COL4A5: variants seen among roughly 807,000 people sequenced by gnomAD.
The protein encoded by COL4A5 is collagen alpha-5(IV) chain.
Under a neutral mutation model 130.2 loss-of-function variants are expected in COL4A5, and 26 were observed. The observed-to-expected ratio is 0.20, with a 90% CI of 0.15 to 0.28. The LOEUF is 0.28. Ranked by LOEUF, COL4A5 falls within the 10% of genes least tolerant of loss-of-function variation. The pLI, the probability that COL4A5 is intolerant of heterozygous loss-of-function variation, is 1.00. For synonymous variants in COL4A5, 496 were observed against 439.6 expected, an observed-to-expected ratio of 1.13 and a Z score of -1.60; for missense variants, 1,131 against 1,344.3, an observed-to-expected ratio of 0.84 and a Z score of 2.48.
intron 1 of COL4A5, among the ~76,000 whole-genome samples, chrX:108,511,083 T>A (rs2065175603): frequency 9.0e-6 from 1 of 111,591 alleles, no homozygotes; most frequent in Admixed American, 9.5e-5. Flanking sequence ...TGTATACTTT[T>A]CACCCAGATT....
chrX:108,514,280 T>C (rs1486228136), intron 1 of COL4A5, among the ~76,000 whole-genome samples: 1 of 112,593 alleles, frequency 8.9e-6, no homozygotes, highest in Non-Finnish European at 1.9e-5. Flanking sequence ...TGGAGCATTT[T>C]CAGCTTGTTT....
Position 108,672,991 on chromosome X carries a change from G to T in COL4A5, c.3800-1754G>T, listed in dbSNP as rs146718505. On this transcript the variant is annotated intron_variant, in intron 42 of 52. Transcript: ENST00000328300. Reference sequence around the variant, plus strand: ...AATATTTAGCTTTCTGAATTTCAAAGTATCAAATGCTTTGAAAGTTTTATT... The same window carrying T: ...AATATTTAGCTTTCTGAATTTCAAATTATCAAATGCTTTGAAAGTTTTATT... Among the ~76,000 whole-genome samples, 157 of 112,165 alleles carry T rather than the reference G, an allele frequency of 1.4e-3. 3 individuals are homozygous for T. In the East Asian group the frequency reaches 0.042, roughly 30 times the overall value.
intron 36 of COL4A5, among the ~76,000 whole-genome samples, chrX:108,647,564 AC>A (rs1334882831): frequency 1.5e-4 from 17 of 110,759 alleles, no homozygotes; most frequent in African/African-American, 5.6e-4. Flanking sequence ...CTAATTGAAT[AC>A]CCTTTATTTT....
intron 36 of COL4A5, among the ~76,000 whole-genome samples, chrX:108,637,093 C>T (rs1223841216): frequency 2.8e-5 from 3 of 109,065 alleles, no homozygotes; most frequent in Non-Finnish European, 5.7e-5. Flanking sequence ...CAGATACGCA[C>T]CACCATGCTT....
chrX:108,609,969 TAA>T (rs78482851), intron 29 of COL4A5, among the ~76,000 whole-genome samples: 1 of 98,724 alleles, frequency 1.0e-5, no homozygotes. Flanking sequence ...ACTTTATTCT[TAA>T]AAAAAAAAAA....
chrX:108,521,194 T>C (rs2065261726), intron 1 of COL4A5, among the ~76,000 whole-genome samples: 1 of 111,581 alleles, frequency 9.0e-6, no homozygotes, highest in Admixed American at 9.5e-5. Context: ...ATTTCCCTAA[T>C]GGTCCTAAAA....
chrX:108,496,837 A>G (rs1230817360), intron 1 of COL4A5, among the ~76,000 whole-genome samples: 1 of 111,920 alleles, frequency 8.9e-6, no homozygotes, highest in Non-Finnish European at 1.9e-5. Context: ...TATCACTATT[A>G]CAACTTTGTT....
chrX:108,602,219 A>G (rs761126022), intron 27 of COL4A5, among the ~76,000 whole-genome samples: 1 of 112,526 alleles, frequency 8.9e-6, no homozygotes, highest in Non-Finnish European at 1.9e-5. Flanking sequence ...GTGATATATA[A>G]GCTTAAAAAT....
chrX:108,474,254 T>A (rs1162231581), intron 1 of COL4A5, among the ~76,000 whole-genome samples: 2 of 111,900 alleles, frequency 1.8e-5, no homozygotes, highest in African/African-American at 6.5e-5. Context: ...GTACCATTTT[T>A]AATCTTTTAT....
chrX:108,529,888 T>C (rs1289363461), intron 1 of COL4A5, among the ~76,000 whole-genome samples: 2 of 110,895 alleles, frequency 1.8e-5, no homozygotes, highest in African/African-American at 6.6e-5. Flanking sequence ...ATGCACCCCA[T>C]ACTGTAGCTT....
Position 108,566,238 on chromosome X carries a change from CT to C in COL4A5, c.276+2325del, listed in dbSNP as rs78147157. ...GTGGTCATCAAGGAAAATTCTTCAA[CT>C]TTTTTTTTTTTTCATTATATGCACA... On this transcript the variant is annotated intron_variant, in intron 4 of 52. Transcript: ENST00000328300. Among the ~76,000 whole-genome samples, 156 of 102,487 alleles carry C rather than the reference CT, an allele frequency of 1.5e-3. 2 individuals carry two copies. The highest frequency in any genetic ancestry group is 1.6e-3 in the Non-Finnish European group (78 of 49,785). 89.0% of individuals were successfully genotyped at this position (102,487 alleles called of 115,157 possible). A position where few individuals can be genotyped will look rare whatever the true frequency, so the allele number is the denominator to read the frequency against.
Position 108,575,952 on chromosome X carries a change from C to T in COL4A5, c.589C>T (p.Pro197Ser), listed in dbSNP as rs779213319. ...PTGIPGPIGP[P>S]GPPGLMGPPG... Reference sequence around the variant, plus strand: ...TGGTATACCAGGGCCAATTGGTCCCCCAGGACCACCAGGTTTGATGGTAAG... The same window carrying T: ...TGGTATACCAGGGCCAATTGGTCCCTCAGGACCACCAGGTTTGATGGTAAG... The change falls in exon 10 of 53, where the codon CCA (proline) becomes TCA (serine). Residue 197 changes from proline to serine, a missense_variant. Pro to Ser is a moderately conservative substitution (Grantham distance 74, BLOSUM62 -1). Transcript: ENST00000328300. 1.5e-5 allele frequency: 18 copies of T among 1,180,659 alleles called. No individual in the cohort carries two copies. Among genetic ancestry groups the T allele is most frequent in the Non-Finnish European group, 2.0e-5 (17 of 871,234 alleles).
At chrX:108,546,842 A>G (rs1323964420) in intron 2 of COL4A5, among the ~76,000 whole-genome samples, 8 of 110,764 alleles carry the variant, frequency 7.2e-5, no homozygotes, top group Non-Finnish European at 1.5e-4. Flanking sequence ...TTCTCTTCTC[A>G]CTTCATTTCA....
At chrX:108,563,962 G>A in intron 4 of COL4A5, 36 bp downstream of exon 4, 1 of 1,078,739 alleles carries the variant, frequency 9.3e-7, no homozygotes, top group Non-Finnish European at 1.3e-6. Flanking sequence ...ATACTTTGTT[G>A]GTGGAAACAG....
chrX:108,559,704 A>G (rs1045297788), intron 3 of COL4A5, among the ~76,000 whole-genome samples: 4 of 111,942 alleles, frequency 3.6e-5, no homozygotes, highest in African/African-American at 1.3e-4. Flanking sequence ...GGGTGGGAGA[A>G]GGAGAAGAGC....
At chrX:108,625,460 G>A (rs2067135626) in intron 34 of COL4A5, among the ~76,000 whole-genome samples, 1 of 111,885 alleles carries the variant, frequency 8.9e-6, no homozygotes, top group Admixed American at 9.5e-5. Context: ...AAAGAAACAA[G>A]GTGTTCTGGT....
At chrX:108,663,940 A>T (rs1259500252) in intron 37 of COL4A5, among the ~76,000 whole-genome samples, 1 of 111,831 alleles carries the variant, frequency 8.9e-6, no homozygotes, top group Non-Finnish European at 1.9e-5. Flanking sequence ...TAATCCCAGC[A>T]CTTTGTGAGG....
At position 108,680,878 on chromosome X, in the gene COL4A5, T is replaced by C. The variant is rs1312113940; in HGVS notation, c.4016-7T>C. The C allele has an allele frequency of 8.3e-7, 1 of 1,209,878 alleles. No individual in the cohort carries two copies. Among genetic ancestry groups the C allele is most frequent in the East Asian group, 3.0e-5 (1 of 33,833 alleles). ...TTGCCATAAAACTGTATGTACCTTC[T>C]GTGCAGGCATGAAAGGACCCAGTGG... On this transcript the variant is annotated splice_polypyrimidine_tract_variant and splice_region_variant and intron_variant, in intron 45 of 52. Transcript: ENST00000328300.
chrX:108,518,020 A>G (rs771089130), intron 1 of COL4A5, among the ~76,000 whole-genome samples: 5 of 111,164 alleles, frequency 4.5e-5, no homozygotes, highest in African/African-American at 9.8e-5. Flanking sequence ...AGCCAACACT[A>G]TATAAAATAA....
Sources: gnomAD v4.1 joint callset for allele counts (sites outside exome capture counted in the v4.1 genomes callset) on GRCh38, gnomAD v4.1.1 for gene constraint, MANE v1.5 for transcripts, NCBI Gene and HGNC (gene_info 2026-07-23, HGNC 2026-07-21) for gene names.